PCDHA6: variants seen among roughly 807,000 people sequenced by gnomAD.
PCDHA6 encodes protocadherin alpha-6.
Under a neutral mutation model 60.3 loss-of-function variants are expected in PCDHA6, and 55 were observed. That is an observed-to-expected ratio of 0.91 (90% CI 0.73 to 1.14). The LOEUF is 1.14. PCDHA6 is among the 50% of genes most tolerant of loss of function. The pLI is 0.00. For synonymous variants in PCDHA6, 652 were observed against 557.9 expected (o/e 1.17, Z -2.38); for missense variants, 1,327 against 1,256.5 (o/e 1.06, Z -0.85).
chr5:140,927,587 T>C (rs1411741184), intron 1 of PCDHA6: 1 of 1,614,044 alleles, frequency 6.2e-7, no homozygotes, highest in African/African-American at 1.3e-5. Flanking sequence ...AACGCGCCTG[T>C]ATTTGAGCGC....
intron 1 of PCDHA6, chr5:140,863,268 G>A: frequency 6.9e-7 from 1 of 1,459,352 alleles, no homozygotes; most frequent in Non-Finnish European, 9.3e-7. Context: ...GGGAGGCAGC[G>A]CTGGTGGATG....
chr5:140,829,105 G>C lies in PCDHA6; in HGVS notation c.1014G>C (p.Val338=). The change falls in exon 1 of 4, where the codon GTG becomes GTC. Residue 338 remains valine (V), a synonymous_variant. Coordinates refer to ENST00000529310, the MANE Select transcript of PCDHA6 (RefSeq NM_018909.4). ...PPMAGHCTVL[V]RILDKNDNVP... is the part of the protein sequence containing the mutation. Reference sequence around the variant, plus strand: ...TGGCGGGTCATTGCACCGTTTTAGTGAGAATTTTGGATAAAAATGATAACG... The same window carrying C: ...TGGCGGGTCATTGCACCGTTTTAGTCAGAATTTTGGATAAAAATGATAACG... 1 of 1,611,878 alleles carries C rather than the reference G, an allele frequency of 6.2e-7. No individual in the cohort carries two copies. Among genetic ancestry groups the C allele is most frequent in the Non-Finnish European group, 8.5e-7 (1 of 1,177,976 alleles).
intron 1 of PCDHA6, chr5:140,869,477 A>T: frequency 1.2e-6 from 2 of 1,614,208 alleles, no homozygotes; most frequent in African/African-American, 2.7e-5. Context: ...GAGGTGAAGG[A>T]CATTAACGAC....
chr5:140,863,268 G>T (rs781869652), intron 1 of PCDHA6: 5 of 1,459,234 alleles, frequency 3.4e-6, no homozygotes, highest in African/African-American at 1.4e-5. Flanking sequence ...GGGAGGCAGC[G>T]CTGGTGGATG....
At chr5:141,007,970 T>C (rs986378123) in intron 3 of PCDHA6, among the ~76,000 whole-genome samples, 3 of 152,248 alleles carry the variant, frequency 2.0e-5, no homozygotes, top group Admixed American at 6.5e-5. Flanking sequence ...TCTGGGTGTC[T>C]GTCATGTATA....
intron 1 of PCDHA6, chr5:140,836,962 C>T: frequency 2.5e-6 from 1 of 398,834 alleles, no homozygotes; most frequent in Non-Finnish European, 4.4e-6. Flanking sequence ...TTTATGTTGG[C>T]TACTCTCCAT....
intron 1 of PCDHA6, chr5:140,863,004 GC>G (rs781788283): frequency 1.8e-6 from 1 of 551,012 alleles, no homozygotes; most frequent in Non-Finnish European, 3.6e-6. Context: ...GTGGACTCCA[GC>G]TATGACGCCT....
Position 140,828,238 on chromosome 5 carries a change from G to A in PCDHA6, c.147G>A (p.Ala49=), listed in dbSNP as rs2150152865. 6 of 1,613,818 alleles carry A rather than the reference G, an allele frequency of 3.7e-6. No individual in the cohort carries two copies. Among genetic ancestry groups the A allele is most frequent in the Non-Finnish European group, 5.1e-6 (6 of 1,180,054 alleles). Reference sequence around the variant, plus strand: ...ACGGCACCTTCGTGGGCCGGATCGCGCAGGACCTGGGGCTGGAGCTGGCGG... The same window carrying A: ...ACGGCACCTTCGTGGGCCGGATCGCACAGGACCTGGGGCTGGAGCTGGCGG... ...AKHGTFVGRI[A]QDLGLELAEL... The change falls in exon 1 of 4, where the codon GCG becomes GCA. Residue 49 remains alanine (A), a synonymous_variant. Coordinates refer to ENST00000529310, the MANE Select transcript of PCDHA6 (RefSeq NM_018909.4).
chr5:140,871,561 T>C, intron 1 of PCDHA6: 1 of 1,485,946 alleles, frequency 6.7e-7, no homozygotes, highest in Non-Finnish European at 9.0e-7. Context: ...CAGTTTTTTT[T>C]CACGGATTTT....
In PCDHA6 at chr5:140,828,138, T is replaced by A. The variant is rs2150151301; in HGVS notation, c.47T>A (p.Leu16His). The A allele has an allele frequency of 6.2e-7, 1 of 1,613,970 alleles. No individual in the cohort carries two copies. Among genetic ancestry groups the A allele is most frequent in the Non-Finnish European group, 8.5e-7 (1 of 1,179,898 alleles). ...AGATTGGGAAAGCAATGTCTGCTCC[T>A]CCCGCTTCTGCTCCTCGCAGCCTGG... ...EDRLGKQCLL[L>H]PLLLLAAWKV... The change falls in exon 1 of 4, where the codon CTC (leucine) becomes CAC (histidine). Residue 16 changes from leucine to histidine, a missense_variant. Physicochemically the swap from Leu to His is moderately conservative, Grantham distance 99. Coordinates refer to ENST00000529310, the MANE Select transcript of PCDHA6 (RefSeq NM_018909.4).
At chr5:140,869,179 G>A (rs782530772) in intron 1 of PCDHA6, 12 of 1,613,988 alleles carry the variant, frequency 7.4e-6, no homozygotes, top group Middle Eastern at 1.7e-4. Context: ...ATTCTGGGAG[G>A]TGGGGAGCGG....
rs150698374 is a variant in PCDHA6 at position 140,841,827 on chromosome 5, C to A, written c.2394+11342C>A. The A allele has an allele frequency of 1.2e-3, 1,964 of 1,613,914 alleles. 22 individuals are homozygous for A. Among genetic ancestry groups the A allele is most frequent in the Non-Finnish European group, 7.1e-4 (841 of 1,179,854 alleles). ...GATGTTGGAGCTAACTCCGTGTTAA[C>A]CTACAGGCTTAGCTCTCATGATTAC... On this transcript the variant is annotated intron_variant, in intron 1 of 3. Transcript: ENST00000529310.
chr5:140,865,500 G>A (rs1485481097), intron 1 of PCDHA6: 1 of 152,176 alleles, frequency 6.6e-6, no homozygotes, highest in Non-Finnish European at 1.5e-5. Flanking sequence ...GGAAAACCCT[G>A]TCCTACTTTA....
At chr5:140,848,439 G>T in intron 1 of PCDHA6, 4 of 1,486,148 alleles carry the variant, frequency 2.7e-6, no homozygotes, top group South Asian at 2.5e-5. Flanking sequence ...GAAATCAGAT[G>T]ATTTCTTCTA....
intron 1 of PCDHA6, chr5:140,876,694 G>A (rs1196941664): frequency 6.2e-7 from 1 of 1,614,142 alleles, no homozygotes; most frequent in African/African-American, 1.3e-5. Flanking sequence ...CTACTCGTTG[G>A]TGCTGGACAG....
chr5:140,855,873 A>G lies in PCDHA6; in HGVS notation c.2394+25388A>G. ...ACCGGATGTCGCTGTCGTCCACAAAATAGCTTTTTAGAACAAAGGCATCAG... is the reference window on the plus strand; with the variant it reads ...ACCGGATGTCGCTGTCGTCCACAAAGTAGCTTTTTAGAACAAAGGCATCAG... On this transcript the variant is annotated intron_variant, in intron 1 of 3. Coordinates refer to ENST00000529310, the MANE Select transcript of PCDHA6 (RefSeq NM_018909.4). The G allele has an allele frequency of 2.3e-6, 2 of 864,574 alleles. 1 individual carries two copies. Among genetic ancestry groups the G allele is most frequent in the South Asian group, 4.1e-5 (2 of 49,350 alleles). The allele number at this position is 864,574 out of a possible 1,614,324, so 53.6% of individuals were successfully genotyped here.
chr5:140,969,880 A>G (rs1365035569), intron 1 of PCDHA6, among the ~76,000 whole-genome samples: 2 of 152,238 alleles, frequency 1.3e-5, no homozygotes, highest in Non-Finnish European at 2.9e-5. Flanking sequence ...CCTATGTGAT[A>G]GGATCCTCTG....
At chr5:140,951,626 C>G (rs1182328214) in intron 1 of PCDHA6, among the ~76,000 whole-genome samples, 1 of 152,180 alleles carries the variant, frequency 6.6e-6, no homozygotes, top group East Asian at 1.9e-4. Context: ...AAGGGGGAAA[C>G]CTGCCCCATG....
rs782134920 is a variant in PCDHA6, at chr5:140,869,400, C to A, written c.2394+38915C>A. ...ACCGCGAGGAGCTGTGCGGGCAGAG[C>A]GCGGAGTGCAGCATCCACCTGGAGG... On this transcript the variant is annotated intron_variant, in intron 1 of 3. Coordinates refer to ENST00000529310, the MANE Select transcript of PCDHA6 (RefSeq NM_018909.4). The A allele has an allele frequency of 5.2e-5, 84 of 1,614,026 alleles. 2 individuals carry two copies. The Admixed American group carries it at 7.2e-4, about 14-fold the overall frequency.
Sources: gnomAD v4.1 joint callset for allele counts (sites outside exome capture counted in the v4.1 genomes callset) on GRCh38, gnomAD v4.1.1 for gene constraint, MANE v1.5 for transcripts, NCBI Gene and HGNC (gene_info 2026-07-23, HGNC 2026-07-21) for gene names.